USP6: variants seen among roughly 807,000 people sequenced by gnomAD.
The protein encoded by USP6 is ubiquitin carboxyl-terminal hydrolase 6.
USP6 carries 128 observed loss-of-function variants against 175.7 expected under a neutral mutation model. The ratio of observed to expected loss-of-function variants is 0.73; its 90% CI spans 0.63 to 0.84. The LOEUF is 0.84. USP6 is among the 40% of genes least tolerant of loss of function. The pLI is 0.00. For missense variants in USP6, 1,498 were observed against 1,760.3 expected (o/e 0.85, Z 2.67); for synonymous variants, 562 against 630.6 (o/e 0.89, Z 1.63).
rs1726041598 is a variant in USP6 at position 5,137,710 on chromosome 17, G to A, written c.885G>A (p.Val295=). ...TGTATTTGGTGGAAGGAGAACAGGT[G>A]TTGATGCCAATAACCAGCATTGCTC... The part of the protein sequence containing the change: ...WDVYLVEGEQ[V]LMPITSIALK... Residue 295 remains valine, a synonymous_variant, in exon 20 of 38, where the codon GTG becomes GTA. Transcript: ENST00000574788. 3 of 1,609,110 alleles carry A rather than the reference G, an allele frequency of 1.9e-6. No homozygotes were observed. The highest frequency in any genetic ancestry group is 2.5e-6 in the Non-Finnish European group (3 of 1,176,628).
At position 5,144,693 on chromosome 17, in the gene USP6, A is replaced by G. The variant is rs1280748004; in HGVS notation, c.1822A>G (p.Thr608Ala). The change falls in exon 26 of 38, where the codon ACC (threonine) becomes GCC (alanine). Residue 608 changes from threonine to alanine, a missense_variant. Thr to Ala is a moderately conservative substitution (Grantham distance 58). Transcript: ENST00000574788. ...GTGACTTCTCTTATATTTATAGCGGACCATAGCAAAATATGCTCCCAAGTT... is the reference window on the plus strand; with the variant it reads ...GTGACTTCTCTTATATTTATAGCGGGCCATAGCAAAATATGCTCCCAAGTT... ...KSVAPLKLRR[T>A]IAKYAPKFDG... 9 of 1,613,448 alleles carry G rather than the reference A, an allele frequency of 5.6e-6. No individual in the cohort carries two copies. The East Asian group carries it at 6.7e-5, about 12-fold the overall frequency.
At chr17:5,153,623 C>T (rs28697025) in intron 30 of USP6, among the ~76,000 whole-genome samples, 1,751 of 151,764 alleles carry the variant, frequency 0.012, 43 homozygotes, top group African/African-American at 0.04. Context: ...TTATTTTTCT[C>T]TGAATTAGTA....
rs1597944217 is a variant in USP6 at position 5,116,409 on chromosome 17, G to T, written c.-2259G>T. On this transcript the variant is annotated 5_prime_UTR_variant, in exon 1 of 38. Coordinates refer to ENST00000574788, the MANE Select transcript of USP6 (RefSeq NM_001304284.2). ...TGTTTTCCTAGACAAGCCGCTGGGG[G>T]AGAGGGGAAACACTTCTGGCCCATG... The T allele has an allele frequency of 6.9e-6, 1 of 144,216 alleles. No individual in the cohort carries two copies. Among genetic ancestry groups the T allele is most frequent in the African/African-American group, 2.5e-5 (1 of 40,788 alleles). The allele number at this position is 144,216 out of a possible 1,614,324, so 8.9% of individuals were successfully genotyped here. A position where few individuals can be genotyped will look rare whatever the true frequency, so the allele number is the denominator to read the frequency against.
chr17:5,153,474 CAG>C (rs1431630339), intron 30 of USP6, among the ~76,000 whole-genome samples: 5 of 151,260 alleles, frequency 3.3e-5, no homozygotes, highest in Non-Finnish European at 7.4e-5. Flanking sequence ...TTAGTAGAGA[CAG>C]GGTCTCTCTA....
rs747036968 is a variant in USP6 at position 5,151,430 on chromosome 17, CATGT to C, written c.2643+2664_2643+2667del. Among the ~76,000 whole-genome samples, 776 of 96,866 alleles carry C rather than the reference CATGT, an allele frequency of 8.0e-3. 8 individuals are homozygous for C. Among genetic ancestry groups the C allele is most frequent in the Non-Finnish European group, 9.3e-3 (448 of 48,008 alleles). The allele number at this position is 96,866 out of a possible 152,430, so 63.5% of individuals were successfully genotyped here. A position where few individuals can be genotyped will look rare whatever the true frequency, so the allele number is the denominator to read the frequency against. ...AATCCCAATAAAAATGCAAAGTCTG[CATGT>C]GTGTGTGTGTGTGTGTGTGTGTGTG... On this transcript the variant is annotated intron_variant, in intron 30 of 37. Coordinates refer to ENST00000574788, the MANE Select transcript of USP6 (RefSeq NM_001304284.2).
rs1220473779 is a variant in USP6 at position 5,129,101 on chromosome 17, T to C, written c.-188T>C. ...TCGTCTTCATGGTGGCTTCGTAGAG[T>C]GGGTGCTGTTCCCGAATGTACCCAT... On this transcript the variant is annotated 5_prime_UTR_variant, in exon 8 of 38. Coordinates refer to ENST00000574788, the MANE Select transcript of USP6 (RefSeq NM_001304284.2). The C allele has an allele frequency of 6.6e-6, 1 of 152,232 alleles. No individual in the cohort carries two copies. The highest frequency in any genetic ancestry group is 1.5e-5 in the Non-Finnish European group (1 of 68,020). The allele number at this position is 152,232 out of a possible 1,614,324, so 9.4% of individuals were successfully genotyped here.
rs1193401360 is a variant in USP6 at position 5,123,994 on chromosome 17, A to G, written c.-1298-572A>G. 2.0e-5 allele frequency among the ~76,000 whole-genome samples: 3 copies of G among 152,100 alleles called. No homozygotes were observed. The East Asian group carries it at 5.8e-4, about 29-fold the overall frequency. ...CATACCCCTAACAAGGACCCCTAACAAGACGCACAAACACGCACCCATAGA... is the reference window on the plus strand; with the variant it reads ...CATACCCCTAACAAGGACCCCTAACGAGACGCACAAACACGCACCCATAGA... On this transcript the variant is annotated intron_variant, in intron 4 of 37. Coordinates refer to ENST00000574788, the MANE Select transcript of USP6 (RefSeq NM_001304284.2).
chr17:5,143,833 C>T (rs945535275), intron 25 of USP6, among the ~76,000 whole-genome samples: 12 of 151,414 alleles, frequency 7.9e-5, no homozygotes, highest in Admixed American at 4.6e-4. Flanking sequence ...GGCTGAGGCA[C>T]GAGAAATGCT....
At position 5,116,192 on chromosome 17, in the gene USP6, A is replaced by C. The variant is rs1567762485; in HGVS notation, c.-2476A>C. On this transcript the variant is annotated 5_prime_UTR_variant, in exon 1 of 38. Coordinates refer to ENST00000574788, the MANE Select transcript of USP6 (RefSeq NM_001304284.2). ...GTCCCCGCTCCAACTAGCAGTCAGG[A>C]GGGGCCGCGGGCAGCGCTCGAGACG... Among the ~76,000 whole-genome samples the C allele has an allele frequency of 7.0e-6, 1 of 143,680 alleles. No homozygotes were observed. Among genetic ancestry groups the C allele is most frequent in the Admixed American group, 7.1e-5 (1 of 14,112 alleles). The allele number at this position is 143,680 out of a possible 152,430, so 94.3% of individuals were successfully genotyped here. A position where few individuals can be genotyped will look rare whatever the true frequency, so the allele number is the denominator to read the frequency against.
intron 1 of USP6, among the ~76,000 whole-genome samples, chr17:5,117,515 CA>C (rs59282298): frequency 0.028 from 1,717 of 61,944 alleles, 22 homozygotes; most frequent in African/African-American, 0.064. Flanking sequence ...GACTCCGTCT[CA>C]AAAAAAAAAA....
In USP6 at chr17:5,142,070, C is replaced by A; in HGVS notation, c.1641C>A (p.Ile547=). The part of the protein sequence containing the change: ...LGNTCFMNSS[I]QCVSNTQPLT... ...ACACATGCTTCATGAACTCAAGCAT[C>A]CAGTGCGTTAGTAACACACAGCCAC... The change falls in exon 24 of 38, where the codon ATC becomes ATA. Residue 547 remains isoleucine (I), a synonymous_variant. Transcript: ENST00000574788. 1.2e-6 allele frequency: 2 copies of A among 1,613,938 alleles called. No individual in the cohort carries two copies. Among genetic ancestry groups the A allele is most frequent in the Non-Finnish European group, 1.7e-6 (2 of 1,179,850 alleles).
Position 5,172,945 on chromosome 17 carries a change from G to A in USP6, c.4188G>A (p.Glu1396=), listed in dbSNP as rs1394962237. Reference sequence around the variant, plus strand: ...CAAGCAGTACGGATGAAGACTCTGAGTCTGATTACGAAAAGTACTCTATGT... The same window carrying A: ...CAAGCAGTACGGATGAAGACTCTGAATCTGATTACGAAAAGTACTCTATGT... ...ADTSSTDEDS[E]SDYEKYSMLQ is the part of the protein sequence containing the mutation. Residue 1396 remains glutamate, a synonymous_variant, in exon 38 of 38, where the codon GAG becomes GAA. Coordinates refer to ENST00000574788, the MANE Select transcript of USP6 (RefSeq NM_001304284.2). The A allele has an allele frequency of 1.9e-6, 3 of 1,613,872 alleles. No homozygotes were observed. The highest frequency in any genetic ancestry group is 2.5e-6 in the Non-Finnish European group (3 of 1,179,872).
rs71151843 is a variant in USP6, at chr17:5,158,614, G to GGAGAGAGA, written c.2829-2863_2829-2856dup. ...GAGAGAGAGAGAGAGAGGGAGAGGGGGAGAGAGAGAGAGAGAGAGAGAGAG... is the reference window on the plus strand; with the variant it reads ...GAGAGAGAGAGAGAGAGGGAGAGGGGGAGAGAGAGAGAGAGAGAGAGAGAGAGAGAGAG... On this transcript the variant is annotated intron_variant, in intron 31 of 37. Transcript: ENST00000574788. Among the ~76,000 whole-genome samples, 124 of 26,340 alleles carry GGAGAGAGA rather than the reference G, an allele frequency of 4.7e-3. 24 individuals carry two copies. The highest frequency in any genetic ancestry group is 6.2e-3 in the Non-Finnish European group (84 of 13,614). The allele number at this position is 26,340 out of a possible 152,430, so 17.3% of individuals were successfully genotyped here.
chr17:5,131,174 G>A (rs11078548), intron 11 of USP6, among the ~76,000 whole-genome samples: 72,974 of 151,646 alleles, frequency 0.48, 20,139 homozygotes, highest in Non-Finnish European at 0.64. Flanking sequence ...AAAGGTGTGG[G>A]GACAGTGGGG....
At position 5,170,821 on chromosome 17, in the gene USP6, A is replaced by G. The variant is rs139904074; in HGVS notation, c.3860A>G (p.Asn1287Ser). The G allele has an allele frequency of 5.6e-4, 909 of 1,613,336 alleles. 1 individual carries two copies. The highest frequency in any genetic ancestry group is 7.2e-4 in the Non-Finnish European group (844 of 1,179,882). Residue 1287 changes from asparagine (N) to serine (S), a missense_variant, in exon 36 of 38, where the codon AAT (asparagine) becomes AGT (serine). Asn to Ser is a conservative substitution (Grantham distance 46). Transcript: ENST00000574788. ...AATGGCTGTGGCGATGGCTACAGCA[A>G]TGGTCAGCTTGGAAACCACAGTGAA... ...CGNGCGDGYS[N>S]GQLGNHSEED...
intron 21 of USP6, chr17:5,138,895 C>T (rs1373262386): frequency 6.5e-6 from 6 of 925,560 alleles, no homozygotes; most frequent in Non-Finnish European, 9.3e-6. Flanking sequence ...AGACAGGTCC[C>T]CATGTGAGGT....
chr17:5,135,529 C>T (rs1289513278), intron 16 of USP6, among the ~76,000 whole-genome samples: 1 of 152,194 alleles, frequency 6.6e-6, no homozygotes, highest in Non-Finnish European at 1.5e-5. Flanking sequence ...CACCACTTCT[C>T]AGAACAAGAA....
chr17:5,131,150 C>T (rs2073054441), intron 11 of USP6, among the ~76,000 whole-genome samples: 1 of 152,066 alleles, frequency 6.6e-6, no homozygotes, highest in African/African-American at 2.4e-5. Flanking sequence ...TCACTGTCCC[C>T]ATGGGGAAGG....
In USP6 at chr17:5,134,166, A is replaced by C. The variant is rs925142664; in HGVS notation, c.494+170A>C. ...TGAACCGAGCACCTCCCTGGTTCCA[A>C]GCCCTGGGCCAGGCTGGAACATGTG... On this transcript the variant is annotated intron_variant, in intron 15 of 37. Transcript: ENST00000574788. The C allele has an allele frequency of 1.6e-5, 11 of 684,618 alleles. No homozygotes were observed. The African/African-American group carries it at 1.8e-4, about 11-fold the overall frequency. 42.4% of individuals were successfully genotyped at this position (684,618 alleles called of 1,614,324 possible).
Sources: gnomAD v4.1 joint callset for allele counts (sites outside exome capture counted in the v4.1 genomes callset) on GRCh38, gnomAD v4.1.1 for gene constraint, MANE v1.5 for transcripts, NCBI Gene and HGNC (gene_info 2026-07-23, HGNC 2026-07-21) for gene names.